The following C1QTNF4 variants were observed in gnomAD, a reference collection of about 807,000 sequenced individuals.
The protein encoded by C1QTNF4 is C1q and TNF related 4.
A neutral mutation model predicts 14.6 loss-of-function variants in C1QTNF4; 12 were observed. The ratio of observed to expected loss-of-function variants is 0.82; its 90% CI spans 0.53 to 1.33. The LOEUF (loss-of-function observed/expected upper bound fraction) is 1.33, where lower values mean the gene tolerates loss of function less well. Among genes scored for constraint, C1QTNF4 ranks in the 40% most tolerant of loss-of-function variants. The pLI, the probability that C1QTNF4 is intolerant of heterozygous loss-of-function variation, is 0.00. For synonymous variants in C1QTNF4, 278 were observed against 246.6 expected, an observed-to-expected ratio of 1.13 and a Z score of -1.19; for missense variants, 558 against 500.3, an observed-to-expected ratio of 1.12 and a Z score of -1.10.
Position 47,590,762 on chromosome 11 carries a change from G to GGGCCCAGCAGGCCGCTGGGCCCAGCA in C1QTNF4, c.23_48dup (p.Leu17CysfsTer41), listed in dbSNP as rs770320241. 1.3e-4 allele frequency: 210 copies of GGGCCCAGCAGGCCGCTGGGCCCAGCA among 1,571,300 alleles called. No individual in the cohort carries two copies. The highest frequency in any genetic ancestry group is 1.7e-4 in the Non-Finnish European group (197 of 1,162,324). On this transcript the variant is annotated frameshift_variant, in exon 2 of 2. Coordinates refer to ENST00000302514, the MANE Select transcript of C1QTNF4 (RefSeq NM_031909.3). LOFTEE classifies it high-confidence loss of function. Reference sequence around the variant, plus strand: ...GATCCCGGGCCGGGGGTCGGGCCCAGGGCCCAGCAGGCCGCTGGGCCCAGC... The same window carrying GGGCCCAGCAGGCCGCTGGGCCCAGCA: ...GATCCCGGGCCGGGGGTCGGGCCCAGGGCCCAGCAGGCCGCTGGGCCCAGCAGGCCCAGCAGGCCGCTGGGCCCAGC...
intron 1 of C1QTNF4, among the ~76,000 whole-genome samples, chr11:47,591,856 G>A (rs1477157937): frequency 6.6e-6 from 1 of 152,192 alleles, no homozygotes; most frequent in Non-Finnish European, 1.5e-5. Flanking sequence ...CTCAGCTCCA[G>A]TTGGCTGCAT....
In C1QTNF4 at chr11:47,590,423, C is replaced by G; in HGVS notation, c.388G>C (p.Asp130His). 6.6e-7 allele frequency: 1 copy of G among 1,504,060 alleles called. No homozygotes were observed. The highest frequency in any genetic ancestry group is 8.8e-7 in the Non-Finnish European group (1 of 1,132,486). The allele number at this position is 1,504,060 out of a possible 1,614,324, so 93.2% of individuals were successfully genotyped here. A position where few individuals can be genotyped will look rare whatever the true frequency, so the allele number is the denominator to read the frequency against. The change falls in exon 2 of 2, where the codon GAC becomes CAC. Residue 130 changes from aspartate (D) to histidine (H), a missense_variant. Physicochemically the swap from Asp to His is moderately conservative, Grantham distance 81. Transcript: ENST00000302514. ...QSAMLQLDYG[D>H]TVWLRLHGAP... ...CCATGCAGCCGCAGCCACACTGTGT[C>G]GCCGTAGTCGAGCTGCAGCATGGCG...
chr11:47,593,676 C>A (rs909097084), intron 1 of C1QTNF4, among the ~76,000 whole-genome samples: 1 of 152,100 alleles, frequency 6.6e-6, no homozygotes, highest in African/African-American at 2.4e-5. Context: ...AATGGCTGTT[C>A]CTGGCTCTGT....
Position 47,590,757 on chromosome 11 carries a change from G to A in C1QTNF4, c.54C>T (p.Gly18=), listed in dbSNP as rs780419942. The change falls in exon 2 of 2, where the codon GGC becomes GGT. Residue 18 remains glycine, a synonymous_variant. Coordinates refer to ENST00000302514, the MANE Select transcript of C1QTNF4 (RefSeq NM_031909.3). ...LLGPAACWAL[G]PTPGPGSSEL... is the part of the protein sequence containing the mutation. The stretch of plus-strand genomic sequence containing the variant: ...CAGAGGATCCCGGGCCGGGGGTCGG[G>A]CCCAGGGCCCAGCAGGCCGCTGGGC... 17 of 1,583,652 alleles carry A rather than the reference G, an allele frequency of 1.1e-5. No individual in the cohort carries two copies. In the South Asian group the frequency reaches 1.7e-4, roughly 16 times the overall value.
At chr11:47,591,931 C>T (rs541263412) in intron 1 of C1QTNF4, among the ~76,000 whole-genome samples, 2 of 152,332 alleles carry the variant, frequency 1.3e-5, no homozygotes, top group African/African-American at 2.4e-5. Flanking sequence ...TCTGTGTCAA[C>T]GCTCTGCATG....
chr11:47,589,817 G>C lies in C1QTNF4; in HGVS notation c.*4C>G. The C allele has an allele frequency of 1.3e-6, 2 of 1,523,680 alleles. No homozygotes were observed. The highest frequency in any genetic ancestry group is 2.8e-5 in the African/African-American group (2 of 71,926). The allele number at this position is 1,523,680 out of a possible 1,614,324, so 94.4% of individuals were successfully genotyped here. ...CCCTCCCGGGCTCTTCTCTGGCCCG[G>C]GGCTCACAGTAGCTCCGAGGCCCCG... On this transcript the variant is annotated 3_prime_UTR_variant, in exon 2 of 2. Coordinates refer to ENST00000302514, the MANE Select transcript of C1QTNF4 (RefSeq NM_031909.3).
rs2153795979 is a variant in C1QTNF4, at chr11:47,590,155, C to A, written c.656G>T (p.Gly219Val). ...GCCGGGCAGACGGCAGCGGAACACG[C>A]CGGCCGCCGCGTCGAAGTCGCCGCC... ...NIGGDFDAAAGVFRCRLPGAY... is the reference protein window; with the variant it reads ...NIGGDFDAAAVVFRCRLPGAY... Residue 219 changes from glycine (G) to valine (V), a missense_variant, in exon 2 of 2, where the codon GGC (glycine) becomes GTC (valine). Gly to Val is a moderately radical substitution (Grantham distance 109). Transcript: ENST00000302514. 6.2e-7 allele frequency: 1 copy of A among 1,604,480 alleles called. No homozygotes were observed. Among genetic ancestry groups the A allele is most frequent in the South Asian group, 1.1e-5 (1 of 90,530 alleles).
chr11:47,590,384 C>G lies in C1QTNF4; in HGVS notation c.427G>C (p.Ala143Pro). 5 of 1,455,300 alleles carry G rather than the reference C, an allele frequency of 3.4e-6. No individual in the cohort carries two copies. Among genetic ancestry groups the G allele is most frequent in the Non-Finnish European group, 4.5e-6 (5 of 1,112,342 alleles). The allele number at this position is 1,455,300 out of a possible 1,614,324, so 90.1% of individuals were successfully genotyped here. Residue 143 changes from alanine to proline, a missense_variant, in exon 2 of 2, where the codon GCG becomes CCG. Physicochemically the swap from Ala to Pro is conservative, Grantham distance 27. Coordinates refer to ENST00000302514, the MANE Select transcript of C1QTNF4 (RefSeq NM_031909.3). ...AAGGTGGCGCCGGGCGCGCCTAGCGCGTACTGCGGGGCGCCATGCAGCCGC... is the reference window on the plus strand; with the variant it reads ...AAGGTGGCGCCGGGCGCGCCTAGCGGGTACTGCGGGGCGCCATGCAGCCGC... ...WLRLHGAPQY[A>P]LGAPGATFSG...
In C1QTNF4 at chr11:47,594,355, G is replaced by A. The variant is rs369101689; in HGVS notation, c.-213C>T. 1 of 152,256 alleles carries A rather than the reference G, an allele frequency of 6.6e-6. No homozygotes were observed. Among genetic ancestry groups the A allele is most frequent in the East Asian group, 1.9e-4 (1 of 5,188 alleles). 9.4% of individuals were successfully genotyped at this position (152,256 alleles called of 1,614,324 possible). Reference sequence around the variant, plus strand: ...TGCTGGGGCCAGGGGCCGGGCGTGGGGAGGCGTGAGGGAAAGGGAAGGTCA... The same window carrying A: ...TGCTGGGGCCAGGGGCCGGGCGTGGAGAGGCGTGAGGGAAAGGGAAGGTCA... On this transcript the variant is annotated 5_prime_UTR_variant, in exon 1 of 2. Coordinates refer to ENST00000302514, the MANE Select transcript of C1QTNF4 (RefSeq NM_031909.3).
chr11:47,590,147 G>A lies in C1QTNF4; in HGVS notation c.664C>T (p.Arg222Cys). Residue 222 changes from arginine (R) to cysteine (C), a missense_variant, in exon 2 of 2, where the codon CGC becomes TGC. Transcript: ENST00000302514. ...GDFDAAAGVF[R>C]CRLPGAYFFS... ...AAGTAGGCGCCGGGCAGACGGCAGC[G>A]GAACACGCCGGCCGCCGCGTCGAAG... The A allele has an allele frequency of 6.2e-7, 1 of 1,606,606 alleles. No individual in the cohort carries two copies. Among genetic ancestry groups the A allele is most frequent in the Non-Finnish European group, 8.5e-7 (1 of 1,177,722 alleles).
chr11:47,591,845 C>T (rs571800830), intron 1 of C1QTNF4, among the ~76,000 whole-genome samples: 2 of 152,326 alleles, frequency 1.3e-5, no homozygotes, highest in Non-Finnish European at 2.9e-5. Context: ...TCTGAGTTCC[C>T]CTCAGCTCCA....
In C1QTNF4 at chr11:47,589,692, C is replaced by G; in HGVS notation, c.*129G>C. ...TGGGCTGCCGGGCGCTGCGCGTGCC[C>G]GCTTTCCGCTTTATTGGCAGAGTCC... On this transcript the variant is annotated 3_prime_UTR_variant, in exon 2 of 2. Transcript: ENST00000302514. 1 of 930,638 alleles carries G rather than the reference C, an allele frequency of 1.1e-6. No homozygotes were observed. The highest frequency in any genetic ancestry group is 3.8e-5 in the Admixed American group (1 of 26,250). 57.6% of individuals were successfully genotyped at this position (930,638 alleles called of 1,614,324 possible).
Position 47,590,121 on chromosome 11 carries a change from G to C in C1QTNF4, c.690C>G (p.Phe230Leu), listed in dbSNP as rs1467223896. Residue 230 changes from phenylalanine to leucine, a missense_variant, in exon 2 of 2, where the codon TTC becomes TTG. Physicochemically the swap from Phe to Leu is conservative, Grantham distance 22 (BLOSUM62 0). Transcript: ENST00000302514. ...VFRCRLPGAYFFSFTLGKLPR... is the reference protein window; with the variant it reads ...VFRCRLPGAYLFSFTLGKLPR... ...GCAGCTTGCCCAGCGTGAAGGAGAAGAAGTAGGCGCCGGGCAGACGGCAGC... is the reference window on the plus strand; with the variant it reads ...GCAGCTTGCCCAGCGTGAAGGAGAACAAGTAGGCGCCGGGCAGACGGCAGC... 1.9e-6 allele frequency: 3 copies of C among 1,611,278 alleles called. No homozygotes were observed. Among genetic ancestry groups the C allele is most frequent in the Non-Finnish European group, 2.5e-6 (3 of 1,179,120 alleles).
chr11:47,589,928 C>G lies in C1QTNF4; in HGVS notation c.883G>C (p.Gly295Arg). ...WLLSHDHDGY[G>R]AYSNHGKYIT... Reference sequence around the variant, plus strand: ...TACTTGCCGTGGTTGCTGTAGGCGCCGTAGCCGTCGTGGTCGTGGCTGAGC... The same window carrying G: ...TACTTGCCGTGGTTGCTGTAGGCGCGGTAGCCGTCGTGGTCGTGGCTGAGC... The change falls in exon 2 of 2, where the codon GGC becomes CGC. Residue 295 changes from glycine (G) to arginine (R), a missense_variant. Coordinates refer to ENST00000302514, the MANE Select transcript of C1QTNF4 (RefSeq NM_031909.3). The G allele has an allele frequency of 6.2e-7, 1 of 1,604,782 alleles. No individual in the cohort carries two copies. The highest frequency in any genetic ancestry group is 8.5e-7 in the Non-Finnish European group (1 of 1,175,742).
Position 47,591,813 on chromosome 11 carries a change from A to AC in C1QTNF4, c.-5-999dup, listed in dbSNP as rs111539302. 1.9e-3 allele frequency among the ~76,000 whole-genome samples: 296 copies of AC among 152,226 alleles called. 1 individual carries two copies. Among genetic ancestry groups the AC allele is most frequent in the Middle Eastern group, 0.014 (4 of 294 alleles). ...CATTTGACACTCAGGGGCCCTGGTAACCCGGGGGATTCAGGGGAGTCTCTG... is the reference window on the plus strand; with the variant it reads ...CATTTGACACTCAGGGGCCCTGGTAACCCCGGGGGATTCAGGGGAGTCTCTG... On this transcript the variant is annotated intron_variant, in intron 1 of 1. Transcript: ENST00000302514.
At chr11:47,591,959 C>T (rs949722871) in intron 1 of C1QTNF4, among the ~76,000 whole-genome samples, 3 of 152,184 alleles carry the variant, frequency 2.0e-5, no homozygotes, top group African/African-American at 7.2e-5. Context: ...CTGTTTAAGC[C>T]CCATCTGAGC....
chr11:47,590,262 G>T lies in C1QTNF4; in HGVS notation c.549C>A (p.Arg183=). The change falls in exon 2 of 2, where the codon CGC becomes CGA. Residue 183 remains arginine (R), a synonymous_variant. Coordinates refer to ENST00000302514, the MANE Select transcript of C1QTNF4 (RefSeq NM_031909.3). ...CGTCCGAGCCCACCAAGCTGCGCGT[G>T]CGCGCCGCCGAGAAGGCCGAGCGCG... The part of the protein sequence containing the change: ...PEPRSAFSAA[R]TRSLVGSDAG... 7.2e-7 allele frequency: 1 copy of T among 1,388,144 alleles called. No homozygotes were observed. Among genetic ancestry groups the T allele is most frequent in the South Asian group, 1.6e-5 (1 of 63,732 alleles). The allele number at this position is 1,388,144 out of a possible 1,614,324, so 86.0% of individuals were successfully genotyped here.
At position 47,590,742 on chromosome 11, in the gene C1QTNF4, C is replaced by G. The variant is rs754704315; in HGVS notation, c.69G>C (p.Pro23=). ...ACWALGPTPG[P]GSSELRSAFS... ...AGGCCGAGCGCAGCTCAGAGGATCC[C>G]GGGCCGGGGGTCGGGCCCAGGGCCC... The change falls in exon 2 of 2, where the codon CCG becomes CCC. Residue 23 remains proline, a synonymous_variant. Transcript: ENST00000302514. 6.2e-7 allele frequency: 1 copy of G among 1,603,646 alleles called. No homozygotes were observed. The highest frequency in any genetic ancestry group is 1.1e-5 in the South Asian group (1 of 89,838).
At position 47,590,456 on chromosome 11, in the gene C1QTNF4, T is replaced by A. The variant is rs576074211; in HGVS notation, c.355A>T (p.Ser119Cys). The A allele has an allele frequency of 6.6e-7, 1 of 1,517,062 alleles. No homozygotes were observed. The highest frequency in any genetic ancestry group is 1.4e-5 in the African/African-American group (1 of 71,754). The allele number at this position is 1,517,062 out of a possible 1,614,324, so 94.0% of individuals were successfully genotyped here. Residue 119 changes from serine to cysteine, a missense_variant, in exon 2 of 2, where the codon AGC becomes TGC. Physicochemically the swap from Ser to Cys is moderately radical, Grantham distance 112 (BLOSUM62 -1). Coordinates refer to ENST00000302514, the MANE Select transcript of C1QTNF4 (RefSeq NM_031909.3). Reference sequence around the variant, plus strand: ...TCGAGCTGCAGCATGGCGCTCTGGCTGGCTGCGCGCCGCGCGCCTGGCCGC... The same window carrying A: ...TCGAGCTGCAGCATGGCGCTCTGGCAGGCTGCGCGCCGCGCGCCTGGCCGC... ...QRRPGARRAA[S>C]QSAMLQLDYG...
Sources: allele counts gnomAD v4.1 joint callset (sites outside exome capture counted in the v4.1 genomes callset), GRCh38; gene constraint gnomAD v4.1.1; transcripts MANE v1.5; gene names NCBI Gene and HGNC (gene_info 2026-07-23, HGNC 2026-07-21).